CAMK2D: variants seen among roughly 807,000 people sequenced by gnomAD.
The protein encoded by CAMK2D is calcium/calmodulin dependent protein kinase II delta, also known as calcium/calmodulin-dependent protein kinase type II subunit delta.
Under a neutral mutation model 84.0 loss-of-function variants are expected in CAMK2D, and 37 were observed. The ratio of observed to expected loss-of-function variants is 0.44; its 90% CI spans 0.34 to 0.58. The LOEUF (loss-of-function observed/expected upper bound fraction) is 0.58. CAMK2D is among the 20% of genes least tolerant of loss of function. The probability of loss-of-function intolerance (pLI) is 0.02; values close to 1 mark genes in which losing one functional copy is unlikely to be tolerated. For synonymous variants in CAMK2D, 202 were observed against 212.5 expected, an observed-to-expected ratio of 0.95 and a Z score of 0.43; for missense variants, 448 against 652.5, an observed-to-expected ratio of 0.69 and a Z score of 3.41.
At chr4:113,752,949 G>T (rs1443634863) in intron 2 of CAMK2D, among the ~76,000 whole-genome samples, 1 of 152,092 alleles carries the variant, frequency 6.6e-6, no homozygotes, top group Non-Finnish European at 1.5e-5. Flanking sequence ...ATAGTGCTTT[G>T]TATGAAGGAC....
chr4:113,729,818 C>T (rs943186121), intron 2 of CAMK2D, among the ~76,000 whole-genome samples: 2 of 152,124 alleles, frequency 1.3e-5, no homozygotes, highest in African/African-American at 4.8e-5. Context: ...AACTCCCTTG[C>T]CCTTTCCACC....
chr4:113,552,834 G>A (rs923066487), intron 4 of CAMK2D, among the ~76,000 whole-genome samples: 1 of 152,142 alleles, frequency 6.6e-6, no homozygotes, highest in Non-Finnish European at 1.5e-5. Context: ...AGAGCAGACA[G>A]GGCAAATCAC....
At chr4:113,621,179 C>A (rs976717193) in intron 3 of CAMK2D, among the ~76,000 whole-genome samples, 3 of 152,158 alleles carry the variant, frequency 2.0e-5, no homozygotes, top group Non-Finnish European at 4.4e-5. Flanking sequence ...TTTATAGCAT[C>A]TGAATTATTT....
At chr4:113,692,480 A>G (rs534838138) in intron 2 of CAMK2D, among the ~76,000 whole-genome samples, 11 of 152,282 alleles carry the variant, frequency 7.2e-5, no homozygotes, top group African/African-American at 2.6e-4. Flanking sequence ...ATATTCATAC[A>G]TACATATTCA....
At chr4:113,472,610 G>A (rs1300846380) in intron 16 of CAMK2D, among the ~76,000 whole-genome samples, 1 of 152,208 alleles carries the variant, frequency 6.6e-6, no homozygotes, top group East Asian at 1.9e-4. Flanking sequence ...ACTACTTGAT[G>A]ATAAGCCCTA....
At chr4:113,521,561 T>C (rs2098359360) in intron 8 of CAMK2D, among the ~76,000 whole-genome samples, 1 of 152,140 alleles carries the variant, frequency 6.6e-6, no homozygotes, top group Non-Finnish European at 1.5e-5. Flanking sequence ...GCTACAGTTT[T>C]CTTTGAAAAA....
intron 18 of CAMK2D, among the ~76,000 whole-genome samples, chr4:113,459,153 C>T (rs942239384): frequency 4.6e-5 from 7 of 152,090 alleles, no homozygotes; most frequent in African/African-American, 1.7e-4. Flanking sequence ...CTTGAAAGCA[C>T]TCTTCTATGT....
intron 6 of CAMK2D, among the ~76,000 whole-genome samples, chr4:113,543,345 A>G (rs557838805): frequency 6.6e-5 from 10 of 152,120 alleles, no homozygotes; most frequent in African/African-American, 2.4e-4. Flanking sequence ...TCTGGGAAGA[A>G]CATCATCAAT....
intron 16 of CAMK2D, among the ~76,000 whole-genome samples, chr4:113,494,141 G>A (rs1274290499): frequency 3.3e-5 from 5 of 152,210 alleles, no homozygotes; most frequent in Non-Finnish European, 7.3e-5. Context: ...CTCTCAGCTC[G>A]TCAAAGTCAT....
At chr4:113,644,922 G>C (rs1258812008) in intron 3 of CAMK2D, among the ~76,000 whole-genome samples, 1 of 152,140 alleles carries the variant, frequency 6.6e-6, no homozygotes, top group African/African-American at 2.4e-5. Context: ...GTAGAGCAGG[G>C]GTCAGGAAAC....
At chr4:113,601,708 T>TTTTTTTTTTTTTTA (rs2098953696) in intron 4 of CAMK2D, among the ~76,000 whole-genome samples, 1 of 142,650 alleles carries the variant, frequency 7.0e-6, no homozygotes, top group African/African-American at 2.6e-5. Context: ...TTTTTTTTTT[T>TTTTTTTTTTTTTTA]TTCATTTTTT....
At chr4:113,603,896 A>T (rs1377557232) in intron 4 of CAMK2D, among the ~76,000 whole-genome samples, 1 of 149,430 alleles carries the variant, frequency 6.7e-6, no homozygotes. Flanking sequence ...GAAGTTTGAG[A>T]CCAGCCTGGG....
At chr4:113,546,151 A>C (rs924226842) in intron 6 of CAMK2D, among the ~76,000 whole-genome samples, 3 of 152,208 alleles carry the variant, frequency 2.0e-5, no homozygotes, top group Admixed American at 6.5e-5. Flanking sequence ...TGTTTCAAAT[A>C]ATAAATTTAT....
Position 113,759,415 on chromosome 4 carries a change from CT to C in CAMK2D, c.66-2del. 1 of 1,574,896 alleles carries C rather than the reference CT, an allele frequency of 6.3e-7. No individual in the cohort carries two copies. Among genetic ancestry groups the C allele is most frequent in the Non-Finnish European group, 8.7e-7 (1 of 1,152,626 alleles). ...TCTTCTCACCACTGAGAATGCCCCC[CT>C]GGAAACCAATAATTAGCAGGTCATT... is the stretch of plus-strand genomic sequence containing the variant. On this transcript the variant is annotated splice_acceptor_variant, in intron 1 of 20. Coordinates refer to ENST00000511664, the MANE Select transcript of CAMK2D (RefSeq NM_001321571.2). LOFTEE classifies it high-confidence loss of function.
chr4:113,495,839 C>T (rs748807624), intron 16 of CAMK2D, among the ~76,000 whole-genome samples: 4 of 152,244 alleles, frequency 2.6e-5, no homozygotes, highest in Admixed American at 1.3e-4. Context: ...GAGATCCAAG[C>T]TCGTGGTGAA....
chr4:113,486,288 T>A (rs2097765214), intron 16 of CAMK2D, among the ~76,000 whole-genome samples: 2 of 151,874 alleles, frequency 1.3e-5, no homozygotes, highest in African/African-American at 2.4e-5. Flanking sequence ...ATGCCTAATT[T>A]TTATAAATTC....
At chr4:113,523,305 T>C (rs867872215) in intron 8 of CAMK2D, among the ~76,000 whole-genome samples, 1 of 152,258 alleles carries the variant, frequency 6.6e-6, no homozygotes, top group Middle Eastern at 3.4e-3. Context: ...TTAGCTGTGG[T>C]AGTATTGCTT....
chr4:113,724,179 A>G (rs2099539322), intron 2 of CAMK2D, among the ~76,000 whole-genome samples: 1 of 152,072 alleles, frequency 6.6e-6, no homozygotes, highest in Admixed American at 6.6e-5. Context: ...TACTTTTCGT[A>G]TGTTTTGGAT....
In CAMK2D at chr4:113,717,766, A is replaced by G. The variant is rs180734224; in HGVS notation, c.160+41554T>C. On this transcript the variant is annotated intron_variant, in intron 2 of 20. Coordinates refer to ENST00000511664, the MANE Select transcript of CAMK2D (RefSeq NM_001321571.2). ...TTTCCTTCGTAATAGTCTTAGTTAA[A>G]TAATTAAACCTTAAAGCTATACTTA... is the stretch of plus-strand genomic sequence containing the variant. Among the ~76,000 whole-genome samples the G allele has an allele frequency of 5.2e-4, 79 of 152,212 alleles. No individual in the cohort carries two copies. In the Middle Eastern group the frequency reaches 0.014, roughly 26 times the overall value.
Sources: gnomAD v4.1 joint callset for allele counts (sites outside exome capture counted in the v4.1 genomes callset) on GRCh38, gnomAD v4.1.1 for gene constraint, MANE v1.5 for transcripts, NCBI Gene and HGNC (gene_info 2026-07-23, HGNC 2026-07-21) for gene names.